VPS13B: variants seen among roughly 807,000 people sequenced by gnomAD.
VPS13B encodes vacuolar protein sorting 13 homolog B, also known as intermembrane lipid transfer protein VPS13B.
VPS13B carries 285 observed loss-of-function variants against 426.4 expected under a neutral mutation model. The observed-to-expected ratio is 0.67, with a 90% CI of 0.61 to 0.74. The LOEUF is 0.74. Among genes scored for constraint, VPS13B ranks in the 30% least tolerant of loss-of-function variants. The pLI is 0.00. For synonymous variants in VPS13B, 1,676 were observed against 1,676.4 expected (o/e 1.00, Z 0.01); for missense variants, 4,537 against 4,782.6 (o/e 0.95, Z 1.51).
chr8:99,279,913 G>A (rs10808364), intron 19 of VPS13B, among the ~76,000 whole-genome samples: 120,881 of 151,962 alleles, frequency 0.8, 48,590 homozygotes, highest in South Asian at 0.89. Flanking sequence ...GGGACTACAG[G>A]CACCTGTTAC....
intron 19 of VPS13B, among the ~76,000 whole-genome samples, chr8:99,327,093 T>C (rs1005542549): frequency 2.0e-5 from 3 of 152,206 alleles, no homozygotes; most frequent in Admixed American, 2.0e-4. Context: ...AGTTTTTTTC[T>C]TTAATCTTAA....
chr8:99,826,131 A>G (rs1814669426), intron 51 of VPS13B, among the ~76,000 whole-genome samples: 2 of 152,168 alleles, frequency 1.3e-5, no homozygotes, highest in African/African-American at 4.8e-5. Context: ...CTTGATGGGG[A>G]TAGCATTGAA....
chr8:99,371,679 G>T (rs951664668), intron 19 of VPS13B, among the ~76,000 whole-genome samples: 1 of 152,136 alleles, frequency 6.6e-6, no homozygotes. Context: ...GGCCATTTTC[G>T]ATATTGATTC....
At chr8:99,255,808 C>T (rs1388993747) in intron 17 of VPS13B, among the ~76,000 whole-genome samples, 5 of 152,064 alleles carry the variant, frequency 3.3e-5, no homozygotes. Flanking sequence ...TTTTGACTCT[C>T]CACTAGGTCT....
chr8:99,118,228 T>C (rs990371566), intron 7 of VPS13B, among the ~76,000 whole-genome samples: 2 of 152,230 alleles, frequency 1.3e-5, no homozygotes, highest in Non-Finnish European at 2.9e-5. Context: ...TCTATTGATA[T>C]TCTGTTACAA....
intron 19 of VPS13B, among the ~76,000 whole-genome samples, chr8:99,360,103 G>T (rs1228553234): frequency 3.0e-4 from 34 of 114,000 alleles, no homozygotes; most frequent in African/African-American, 1.0e-3. Flanking sequence ...TGCCCAACCT[G>T]TTTTTTTTTT....
intron 3 of VPS13B, among the ~76,000 whole-genome samples, chr8:99,088,111 G>A (rs374759758): frequency 6.7e-6 from 1 of 150,334 alleles, no homozygotes; most frequent in African/African-American, 2.5e-5. Flanking sequence ...TTGAACCCCC[G>A]AGGCAGAGGT....
chr8:99,471,192 T>C (rs1479375767), intron 24 of VPS13B, among the ~76,000 whole-genome samples: 1 of 152,018 alleles, frequency 6.6e-6, no homozygotes, highest in East Asian at 1.9e-4. Flanking sequence ...GGATGAAAAA[T>C]TAGATCTTTA....
intron 24 of VPS13B, among the ~76,000 whole-genome samples, chr8:99,472,806 G>GA (rs1436022644): frequency 6.6e-6 from 1 of 151,714 alleles, no homozygotes; most frequent in African/African-American, 2.4e-5. Context: ...TAGAGAGGGA[G>GA]AAAAAAATGC....
intron 19 of VPS13B, among the ~76,000 whole-genome samples, chr8:99,323,273 C>T (rs1433860914): frequency 6.6e-6 from 1 of 152,156 alleles, no homozygotes; most frequent in African/African-American, 2.4e-5. Context: ...GTAATCTTCT[C>T]AGGGAGCATA....
chr8:99,839,265 T>C (rs1175891029), intron 54 of VPS13B, among the ~76,000 whole-genome samples: 1 of 152,148 alleles, frequency 6.6e-6, no homozygotes, highest in Non-Finnish European at 1.5e-5. Flanking sequence ...AATGGATTGT[T>C]TTGTGGGGAG....
At chr8:99,557,325 C>A (rs1038553800) in intron 31 of VPS13B, among the ~76,000 whole-genome samples, 1 of 151,444 alleles carries the variant, frequency 6.6e-6, no homozygotes, top group Non-Finnish European at 1.5e-5. Flanking sequence ...TCCCCAAAGT[C>A]CATTATATCA....
At chr8:99,163,703 C>T (rs1229177735) in intron 15 of VPS13B, among the ~76,000 whole-genome samples, 2 of 152,214 alleles carry the variant, frequency 1.3e-5, no homozygotes, top group African/African-American at 2.4e-5. Flanking sequence ...GTGCGGAGCC[C>T]ACCAAGCCCA....
chr8:99,099,430 C>T (rs1420443063), intron 4 of VPS13B, among the ~76,000 whole-genome samples: 3 of 152,148 alleles, frequency 2.0e-5, no homozygotes, highest in African/African-American at 7.2e-5. Context: ...AGCTTGGCTT[C>T]CCAGTGACCA....
Position 99,853,579 on chromosome 8 carries a change from G to A in VPS13B, c.10190G>A (p.Cys3397Tyr). 1 of 1,614,190 alleles carries A rather than the reference G, an allele frequency of 6.2e-7. No homozygotes were observed. Among genetic ancestry groups the A allele is most frequent in the Non-Finnish European group, 8.5e-7 (1 of 1,180,032 alleles). ...CTCACACTGGACAACATTTTTCTCT[G>A]TGTGGCCCCGGGAGCTGGTCCCCTC... ...LRLTLDNIFL[C>Y]VAPGAGPLPG... The change falls in exon 56 of 62, where the codon TGT (cysteine) becomes TAT (tyrosine). Residue 3397 changes from cysteine to tyrosine, a missense_variant. Physicochemically the swap from Cys to Tyr is radical, Grantham distance 194. Transcript: ENST00000357162.
At chr8:99,552,322 GT>G (rs2133755293) in intron 30 of VPS13B, among the ~76,000 whole-genome samples, 1 of 152,160 alleles carries the variant, frequency 6.6e-6, no homozygotes, top group African/African-American at 2.4e-5. Context: ...TTGTCTGTGA[GT>G]GTCTCATTTC....
intron 23 of VPS13B, among the ~76,000 whole-genome samples, chr8:99,461,539 A>AT (rs147462420): frequency 0.17 from 26,431 of 151,602 alleles, 2,821 homozygotes; most frequent in East Asian, 0.38. Flanking sequence ...AGCTAGATAA[A>AT]TTTTTTTTTA....
intron 15 of VPS13B, among the ~76,000 whole-genome samples, chr8:99,169,490 G>A (rs1408008155): frequency 6.6e-6 from 1 of 151,396 alleles, no homozygotes; most frequent in Non-Finnish European, 1.5e-5. Context: ...AGTTTTCTGG[G>A]GTTTAAAACC....
intron 8 of VPS13B, among the ~76,000 whole-genome samples, chr8:99,123,025 G>GC (rs1329101706): frequency 6.6e-6 from 1 of 151,412 alleles, no homozygotes; most frequent in African/African-American, 2.4e-5. Flanking sequence ...GGAGGCTAAG[G>GC]CAGGAGAATT....
Sources: allele counts gnomAD v4.1 joint callset (sites outside exome capture counted in the v4.1 genomes callset), GRCh38; gene constraint gnomAD v4.1.1; transcripts MANE v1.5; gene names NCBI Gene and HGNC (gene_info 2026-07-23, HGNC 2026-07-21).